FAM98C: variants seen among roughly 807,000 people sequenced by gnomAD.
The protein encoded by FAM98C is protein FAM98C.
Under a neutral mutation model 41.1 loss-of-function variants are expected in FAM98C, and 38 were observed. The ratio of observed to expected loss-of-function variants is 0.92; its 90% confidence interval spans 0.71 to 1.21. The LOEUF is 1.21. Among genes scored for constraint, FAM98C ranks in the 50% most tolerant of loss-of-function variants. The pLI, the probability that FAM98C is intolerant of heterozygous loss-of-function variation, is 0.00. For synonymous variants in FAM98C, 195 were observed against 216.7 expected (o/e 0.90, Z 0.88); for missense variants, 493 against 484.7 (o/e 1.02, Z -0.16).
At position 38,403,481 on chromosome 19, in the gene FAM98C, G is replaced by A; in HGVS notation, c.209G>A (p.Gly70Asp). 1.4e-6 allele frequency: 2 copies of A among 1,407,228 alleles called. No homozygotes were observed. The highest frequency in any genetic ancestry group is 1.5e-5 in the South Asian group (1 of 65,044). 87.2% of individuals were successfully genotyped at this position (1,407,228 alleles called of 1,614,324 possible). A position where few individuals can be genotyped will look rare whatever the true frequency, so the allele number is the denominator to read the frequency against. The part of the protein sequence containing the change: ...REAGAEVLSA[G>D]DGPGAEEDFL... The stretch of plus-strand genomic sequence containing the variant: ...GCGGGCGCGGAGGTGCTGAGCGCCG[G>A]CGACGGTAAACACGGAGCGGGAGGG... Residue 70 changes from glycine (G) to aspartate (D), a missense_variant, in exon 2 of 8, where the codon GGC becomes GAC. Transcript: ENST00000252530.
In FAM98C at chr19:38,408,913, C is replaced by T; in HGVS notation, c.*31C>T. 4 of 1,537,826 alleles carry T rather than the reference C, an allele frequency of 2.6e-6. No individual in the cohort carries two copies. Among genetic ancestry groups the T allele is most frequent in the East Asian group, 2.3e-5 (1 of 44,124 alleles). On this transcript the variant is annotated 3_prime_UTR_variant, in exon 8 of 8. Coordinates refer to ENST00000252530, the MANE Select transcript of FAM98C (RefSeq NM_174905.4). ...GACTGGTGGTCGGGGGCGGGGGGTC[C>T]TCCATGAGATGCTAATGCTATCGGT... is the stretch of plus-strand genomic sequence containing the variant.
chr19:38,407,223 C>G (rs1390371042), intron 7 of FAM98C, 146 bp downstream of exon 7: 2 of 892,120 alleles, frequency 2.2e-6, no homozygotes, highest in Non-Finnish European at 1.7e-6. Flanking sequence ...CACACAAAAA[C>G]TGACTGTGGA....
intron 6 of FAM98C, chr19:38,405,864 T>TTTG: frequency 4.0e-6 from 2 of 498,556 alleles, no homozygotes; most frequent in Non-Finnish European, 3.6e-6. Flanking sequence ...CCATCATTTT[T>TTTG]TTTTTTTTTT....
At position 38,404,684 on chromosome 19, in the gene FAM98C, C is replaced by G. The variant is rs148962979; in HGVS notation, c.350-224C>G. On this transcript the variant is annotated intron_variant, in intron 3 of 7. Coordinates refer to ENST00000252530, the MANE Select transcript of FAM98C (RefSeq NM_174905.4). Reference sequence around the variant, plus strand: ...TAGCTGGGATTACAAGCACTCACCACTATGTCCTGCTAATTTTTGTATTTT... The same window carrying G: ...TAGCTGGGATTACAAGCACTCACCAGTATGTCCTGCTAATTTTTGTATTTT... 4.6e-4 allele frequency: 229 copies of G among 499,598 alleles called. No homozygotes were observed. The East Asian group carries it at 8.6e-3, about 19-fold the overall frequency. The allele number at this position is 499,598 out of a possible 1,614,324, so 30.9% of individuals were successfully genotyped here. A position where few individuals can be genotyped will look rare whatever the true frequency, so the allele number is the denominator to read the frequency against.
At position 38,403,623 on chromosome 19, in the gene FAM98C, C is replaced by T; in HGVS notation, c.278C>T (p.Pro93Leu). 6.9e-7 allele frequency: 1 copy of T among 1,455,604 alleles called. No homozygotes were observed. Among genetic ancestry groups the T allele is most frequent in the Non-Finnish European group, 9.0e-7 (1 of 1,116,186 alleles). 90.2% of individuals were successfully genotyped at this position (1,455,604 alleles called of 1,614,324 possible). The change falls in exon 3 of 8, where the codon CCG becomes CTG. Residue 93 changes from proline to leucine, a missense_variant. Pro to Leu is a moderately conservative substitution (Grantham distance 98). Coordinates refer to ENST00000252530, the MANE Select transcript of FAM98C (RefSeq NM_174905.4). ...AGCCTGCTGCGGGAGCTGCACTGCC[C>T]GGATCGCGCGCTCTGCGGCGGGGAT... ...LGSLLRELHC[P>L]DRALCGGDGA...
chr19:38,404,882 G>A, intron 3 of FAM98C, 26 bp from the exon 4 acceptor site: 1 of 1,613,624 alleles, frequency 6.2e-7, no homozygotes, highest in Non-Finnish European at 8.5e-7. Flanking sequence ...CTCCCTGAGT[G>A]CACAGCACCC....
At position 38,403,150 on chromosome 19, in the gene FAM98C, T is replaced by G; in HGVS notation, c.-4T>G. 1 of 1,526,798 alleles carries G rather than the reference T, an allele frequency of 6.5e-7. No individual in the cohort carries two copies. The highest frequency in any genetic ancestry group is 8.7e-7 in the Non-Finnish European group (1 of 1,151,392). The allele number at this position is 1,526,798 out of a possible 1,614,324, so 94.6% of individuals were successfully genotyped here. On this transcript the variant is annotated 5_prime_UTR_variant, in exon 1 of 8. Coordinates refer to ENST00000252530, the MANE Select transcript of FAM98C (RefSeq NM_174905.4). ...GCCAGGGGGCGCGCCGAGACCACAC[T>G]TTCATGGAGGCGGTGAAGGCGGAAG...
Position 38,405,528 on chromosome 19 carries a change from G to C in FAM98C, c.643G>C (p.Glu215Gln), listed in dbSNP as rs542705240. 4 of 1,614,164 alleles carry C rather than the reference G, an allele frequency of 2.5e-6. No homozygotes were observed. The South Asian group carries it at 3.3e-5, about 13-fold the overall frequency. The change falls in exon 6 of 8, where the codon GAG becomes CAG. Residue 215 changes from glutamate to glutamine, a missense_variant. Coordinates refer to ENST00000252530, the MANE Select transcript of FAM98C (RefSeq NM_174905.4). ...SLDAPRWEAL[E>Q]SLSQSLRDQY... ...AGACCTTTTCTCCCAGGAAGCGTTG[G>C]AGTCTCTGTCCCAAAGCCTCAGAGA...
At chr19:38,406,078 A>T (rs1361300304) in intron 6 of FAM98C, 1 of 165,246 alleles carries the variant, frequency 6.1e-6, no homozygotes, top group Non-Finnish European at 1.3e-5. Context: ...GATGGTCTCG[A>T]TCTCCTGACC....
chr19:38,406,974 A>G lies in FAM98C; in HGVS notation c.815A>G (p.Asp272Gly). Residue 272 changes from aspartate to glycine, a missense_variant, in exon 7 of 8, where the codon GAC becomes GGC. Asp to Gly is a moderately conservative substitution (Grantham distance 94). Coordinates refer to ENST00000252530, the MANE Select transcript of FAM98C (RefSeq NM_174905.4). ...PIREVLTPES[D>G]ISIAHVLAAR... The stretch of plus-strand genomic sequence containing the variant: ...CGAGAGGTTCTGACCCCAGAATCGG[A>G]CATCTCCATTGCACACGTTCTGGCT... 6.2e-7 allele frequency: 1 copy of G among 1,614,100 alleles called. No individual in the cohort carries two copies. Among genetic ancestry groups the G allele is most frequent in the Non-Finnish European group, 8.5e-7 (1 of 1,179,990 alleles).
At chr19:38,405,212 G>C in intron 4 of FAM98C, 99 bp downstream of exon 4, 1 of 1,510,334 alleles carries the variant, frequency 6.6e-7, no homozygotes. Flanking sequence ...CCAACCACTG[G>C]CCTGTTTTTT....
intron 7 of FAM98C, chr19:38,407,707 AG>A (rs1416598003): frequency 1.3e-5 from 2 of 150,958 alleles, no homozygotes; most frequent in African/African-American, 4.9e-5. Context: ...GAAATAGGCC[AG>A]GCACAGTGGC....
intron 4 of FAM98C, 113 bp from the exon 5 acceptor site, chr19:38,405,231 G>C (rs1971021961): frequency 2.7e-6 from 4 of 1,499,776 alleles, no homozygotes; most frequent in East Asian, 2.3e-5. Context: ...TTCTGGAGCT[G>C]TGACTGGCAT....
Position 38,408,861 on chromosome 19 carries a change from C to CAAG in FAM98C, c.1045_1047dup (p.Lys349dup), listed in dbSNP as rs59917662. ...ATGGAGGCCCCCAGTGTTGGGGTCG[C>CAAG]AAGAAGAAGAAGAAGAAGTAAAGGG... On this transcript the variant is annotated inframe_insertion, in exon 8 of 8. Coordinates refer to ENST00000252530, the MANE Select transcript of FAM98C (RefSeq NM_174905.4). The CAAG allele has an allele frequency of 0.033, 51,219 of 1,555,700 alleles. 910 individuals are homozygous for CAAG. The highest frequency in any genetic ancestry group is 0.18 in the East Asian group (7,645 of 42,596).
intron 6 of FAM98C, 114 bp from the exon 7 acceptor site, chr19:38,406,796 T>G (rs1971045769): frequency 8.9e-7 from 1 of 1,117,532 alleles, no homozygotes; most frequent in Non-Finnish European, 1.3e-6. Context: ...AAATAAATAT[T>G]TATTTGAGCT....
intron 6 of FAM98C, 89 bp from the exon 7 acceptor site, chr19:38,406,821 C>A (rs1971045974): frequency 2.9e-6 from 4 of 1,395,236 alleles, no homozygotes; most frequent in Non-Finnish European, 4.0e-6. Flanking sequence ...GCAGTGAGGT[C>A]TTGAATGGTA....
chr19:38,405,269 G>C (rs1173132801), intron 4 of FAM98C, 75 bp from the exon 5 acceptor site: 2 of 1,556,412 alleles, frequency 1.3e-6, no homozygotes, highest in African/African-American at 2.7e-5. Flanking sequence ...AGGTCCTCAG[G>C]GGTGTGGGGA....
Position 38,404,952 on chromosome 19 carries a change from C to T in FAM98C, c.394C>T (p.Arg132Cys), listed in dbSNP as rs369912781. The change falls in exon 4 of 8, where the codon CGC (arginine) becomes TGC (cysteine). Residue 132 changes from arginine to cysteine, a missense_variant. Arg to Cys is a radical substitution (Grantham distance 180, BLOSUM62 -3). Transcript: ENST00000252530. ...CCAAGCCACCCGCCTCCTGTGCCTC[C>T]GCTCTCTGCTGGATCCGAGTCCTAG... ...ELQATRLLCL[R>C]SLLDPSPRPP... 47 of 1,614,012 alleles carry T rather than the reference C, an allele frequency of 2.9e-5. No homozygotes were observed. Among genetic ancestry groups the T allele is most frequent in the East Asian group, 4.5e-5 (2 of 44,882 alleles).
intron 7 of FAM98C, 135 bp from the exon 8 acceptor site, chr19:38,408,616 C>T: frequency 1.8e-6 from 2 of 1,138,422 alleles, no homozygotes; most frequent in Non-Finnish European, 2.6e-6. Context: ...GTTCAGTCCC[C>T]CCTCCCCCAG....
Sources: gnomAD v4.1 joint callset for allele counts on GRCh38, gnomAD v4.1.1 for gene constraint, MANE v1.5 for transcripts, NCBI Gene and HGNC (gene_info 2026-07-23, HGNC 2026-07-21) for gene names.